AGBL4: variants seen among roughly 807,000 people sequenced by gnomAD.
AGBL4 encodes the protein AGBL carboxypeptidase 4, also known as cytosolic carboxypeptidase 6.
Under a neutral mutation model 66.4 loss-of-function variants are expected in AGBL4, and 58 were observed. The ratio of observed to expected loss-of-function variants is 0.87; its 90% CI spans 0.71 to 1.09. The LOEUF (loss-of-function observed/expected upper bound fraction) is 1.09, where lower values mean the gene tolerates loss of function less well. Ranked by LOEUF, AGBL4 falls within the 50% of genes least tolerant of loss-of-function variation. The pLI, the probability that AGBL4 is intolerant of heterozygous loss-of-function variation, is 0.00. For synonymous variants in AGBL4, 234 were observed against 222.9 expected (o/e 1.05, Z -0.44); for missense variants, 579 against 631.0 (o/e 0.92, Z 0.88).
rs542247018 is a variant in AGBL4, at chr1:49,476,369, C to T, written c.282+220944G>A. Among the ~76,000 whole-genome samples, 22 of 152,050 alleles carry T rather than the reference C, an allele frequency of 1.4e-4. No individual in the cohort carries two copies. The East Asian group carries it at 1.5e-3, about 11-fold the overall frequency. On this transcript the variant is annotated intron_variant, in intron 3 of 13. Coordinates refer to ENST00000371839, the MANE Select transcript of AGBL4 (RefSeq NM_032785.4). ...AGTATGTTCCATGTGCAGATGACAA[C>T]GTACATCTTGAGGTTGTTGGGTGGA...
chr1:48,655,465 C>T (rs970248064), intron 7 of AGBL4, among the ~76,000 whole-genome samples: 10 of 152,196 alleles, frequency 6.6e-5, no homozygotes, highest in Admixed American at 2.0e-4. Flanking sequence ...AGCAGAAAGT[C>T]TCAGGACCTG....
At chr1:48,697,238 A>G (rs1396889604) in intron 6 of AGBL4, among the ~76,000 whole-genome samples, 1 of 152,168 alleles carries the variant, frequency 6.6e-6, no homozygotes, top group African/African-American at 2.4e-5. Flanking sequence ...TCACCAAAGC[A>G]CCACCTGGTT....
intron 4 of AGBL4, among the ~76,000 whole-genome samples, chr1:49,218,572 T>C (rs1467980069): frequency 6.6e-6 from 1 of 152,098 alleles, no homozygotes; most frequent in Non-Finnish European, 1.5e-5. Flanking sequence ...TCATTTTTGC[T>C]AGTTAAGTAG....
intron 9 of AGBL4, 46 bp downstream of exon 9, chr1:48,634,447 G>C (rs763781620): frequency 1.4e-6 from 2 of 1,470,218 alleles, no homozygotes; most frequent in Non-Finnish European, 9.3e-7. Context: ...CCCTTTCCCA[G>C]ATCAAGCCAT....
chr1:49,630,718 C>T (rs1039191833), intron 3 of AGBL4, among the ~76,000 whole-genome samples: 1 of 152,136 alleles, frequency 6.6e-6, no homozygotes, highest in South Asian at 2.1e-4. Flanking sequence ...TCTGTGCTTC[C>T]TTATCAAACA....
chr1:49,397,080 G>A (rs575059310), intron 3 of AGBL4, among the ~76,000 whole-genome samples: 2 of 152,228 alleles, frequency 1.3e-5, no homozygotes, highest in East Asian at 3.9e-4. Context: ...GATCTGACAG[G>A]AGACAGAGCT....
chr1:49,550,658 G>T (rs573193927), intron 3 of AGBL4, among the ~76,000 whole-genome samples: 1 of 152,160 alleles, frequency 6.6e-6, no homozygotes, highest in Non-Finnish European at 1.5e-5. Flanking sequence ...TAGGGTTTCT[G>T]CTGAGAAGCC....
chr1:48,899,057 G>A (rs1651826847), intron 5 of AGBL4, among the ~76,000 whole-genome samples: 1 of 152,206 alleles, frequency 6.6e-6, no homozygotes, highest in Non-Finnish European at 1.5e-5. Flanking sequence ...GGTCAGCCAC[G>A]TCGCTGGGCC....
At chr1:49,624,002 AGT>A (rs34356093) in intron 3 of AGBL4, among the ~76,000 whole-genome samples, 9,043 of 148,458 alleles carry the variant, frequency 0.061, 279 homozygotes, top group African/African-American at 0.079. Flanking sequence ...GATGAGAGAG[AGT>A]GTGTGTGTGT....
intron 6 of AGBL4, among the ~76,000 whole-genome samples, chr1:48,726,898 T>G (rs1647310132): frequency 6.6e-6 from 1 of 152,192 alleles, no homozygotes; most frequent in South Asian, 2.1e-4. Flanking sequence ...AAATGGAAAC[T>G]CAGAGAGGAC....
At chr1:49,653,372 A>AT (rs1365993649) in intron 3 of AGBL4, among the ~76,000 whole-genome samples, 1 of 152,116 alleles carries the variant, frequency 6.6e-6, no homozygotes, top group Non-Finnish European at 1.5e-5. Flanking sequence ...AAGAATCAAC[A>AT]TAAAAATGCT....
chr1:49,265,147 ATGAATT>A (rs1369466341), intron 3 of AGBL4, among the ~76,000 whole-genome samples: 2 of 152,198 alleles, frequency 1.3e-5, no homozygotes, highest in African/African-American at 4.8e-5. Flanking sequence ...AAACTTAAAA[ATGAATT>A]TGAGTCCATA....
rs917042739 is a variant in AGBL4 at position 49,895,958 on chromosome 1, C to T, written c.35-44440G>A. ...GAATGGGGTAAAAAAAAAAAAAAAA[C>T]GAGATCCAACTATCTGTTGCCTACA... On this transcript the variant is annotated intron_variant, in intron 1 of 13. Coordinates refer to ENST00000371839, the MANE Select transcript of AGBL4 (RefSeq NM_032785.4). Among the ~76,000 whole-genome samples the T allele has an allele frequency of 4.1e-4, 56 of 135,084 alleles. 1 individual carries two copies. The highest frequency in any genetic ancestry group is 2.6e-3 in the Admixed American group (35 of 13,678). The allele number at this position is 135,084 out of a possible 152,430, so 88.6% of individuals were successfully genotyped here.
intron 5 of AGBL4, among the ~76,000 whole-genome samples, chr1:49,016,138 T>C (rs1662805389): frequency 6.6e-6 from 1 of 152,150 alleles, no homozygotes; most frequent in South Asian, 2.1e-4. Flanking sequence ...TGGGTGTTAT[T>C]GATGCAGCTT....
At chr1:48,566,377 T>A (rs1361489024) in intron 11 of AGBL4, among the ~76,000 whole-genome samples, 2 of 152,210 alleles carry the variant, frequency 1.3e-5, no homozygotes, top group Non-Finnish European at 2.9e-5. Flanking sequence ...AAACTCTCAA[T>A]AAATAGTTGT....
chr1:49,817,832 A>G (rs758331618), intron 2 of AGBL4, among the ~76,000 whole-genome samples: 3 of 152,226 alleles, frequency 2.0e-5, no homozygotes, highest in Non-Finnish European at 2.9e-5. Flanking sequence ...CCATGTAACT[A>G]AAGTAATGCA....
At chr1:48,765,125 C>T (rs1027055559) in intron 6 of AGBL4, among the ~76,000 whole-genome samples, 5 of 152,232 alleles carry the variant, frequency 3.3e-5, no homozygotes, top group African/African-American at 1.2e-4. Flanking sequence ...CACATCCTAC[C>T]TACCTTCTTT....
intron 3 of AGBL4, among the ~76,000 whole-genome samples, chr1:49,406,881 C>T (rs988462183): frequency 4.0e-5 from 6 of 151,628 alleles, no homozygotes; most frequent in Non-Finnish European, 8.8e-5. Context: ...CTGGCTAACA[C>T]GGTGAAACCC....
chr1:48,600,822 G>A (rs559661840), intron 9 of AGBL4, among the ~76,000 whole-genome samples: 3 of 152,250 alleles, frequency 2.0e-5, no homozygotes, highest in Admixed American at 1.3e-4. Context: ...AAATAAAAAC[G>A]TATTTTTTTT....
Sources: allele counts gnomAD v4.1 joint callset (sites outside exome capture counted in the v4.1 genomes callset), GRCh38; gene constraint gnomAD v4.1.1; transcripts MANE v1.5; gene names NCBI Gene and HGNC (gene_info 2026-07-23, HGNC 2026-07-21).